LRRC71: variants seen among roughly 807,000 people sequenced by gnomAD.
The protein encoded by LRRC71 is leucine-rich repeat-containing protein 71.
LRRC71 carries 54 observed loss-of-function variants against 66.6 expected under a neutral mutation model. The observed-to-expected ratio is 0.81, with a 90% confidence interval of 0.65 to 1.02. The LOEUF (loss-of-function observed/expected upper bound fraction) is 1.02. Ranked by LOEUF, LRRC71 falls within the 50% of genes least tolerant of loss-of-function variation. The probability of loss-of-function intolerance (pLI) is 0.00; values close to 1 mark genes in which losing one functional copy is unlikely to be tolerated. For synonymous variants in LRRC71, 323 were observed against 303.9 expected (o/e 1.06, Z -0.65); for missense variants, 724 against 718.0 (o/e 1.01, Z -0.10).
the LRRC71 span, chr1:156,940,318 A>C: frequency 6.2e-7 from 1 of 1,613,822 alleles, no homozygotes; most frequent in Non-Finnish European, 8.5e-7. Context: ...AGGGATGTGG[A>C]AGGGCAAGGC....
intron 5 of LRRC71, among the ~76,000 whole-genome samples, chr1:156,925,499 C>T (rs1327134350): frequency 6.6e-6 from 1 of 152,180 alleles, no homozygotes; most frequent in African/African-American, 2.4e-5. Flanking sequence ...GTGCCACCCA[C>T]TTTATGGATG....
At chr1:156,936,105 C>T (rs768971643), downstream of LRRC71, 23 of 1,574,122 alleles carry the variant, frequency 1.5e-5, no homozygotes, top group African/African-American at 5.4e-5. Flanking sequence ...CTGAGGTGAC[C>T]GCTTCCACAT....
At chr1:156,934,262 AGAG>A (rs1350934990), downstream of LRRC71, among the ~76,000 whole-genome samples, 4 of 152,210 alleles carry the variant, frequency 2.6e-5, no homozygotes, top group Non-Finnish European at 5.9e-5. Context: ...TGTGAGAGGT[AGAG>A]GAGTCAGGGT....
the LRRC71 span, chr1:156,940,440 AG>A: frequency 1.9e-6 from 3 of 1,589,250 alleles, no homozygotes; most frequent in Non-Finnish European, 2.6e-6. Context: ...TTCGGATGAG[AG>A]AAGATTGTAA....
chr1:156,928,363 C>CTCTTCCTCTTCTTCTTCTTCT, intron 9 of LRRC71, among the ~76,000 whole-genome samples: 2 of 98,820 alleles, frequency 2.0e-5, no homozygotes, highest in Non-Finnish European at 3.6e-5. Context: ...CTTCTTCTTC[C>CTCTTCCTCTTCTTCTTCTTCT]TCTTCTTCTT....
chr1:156,925,094 AGTG>A, intron 5 of LRRC71, 79 bp downstream of exon 5: 1 of 1,377,326 alleles, frequency 7.3e-7, no homozygotes, highest in Non-Finnish European at 1.0e-6. Context: ...TGGGGATGGA[AGTG>A]GCAGGTCCCA....
chr1:156,937,309 CCT>C (rs1447847672), downstream of LRRC71: 1 of 1,613,814 alleles, frequency 6.2e-7, no homozygotes, highest in Non-Finnish European at 8.5e-7. Flanking sequence ...TGCCCACGTC[CCT>C]GAGGGCCAGG....
chr1:156,930,569 G>C lies in LRRC71; in HGVS notation c.1281G>C (p.Gly427=). 6.4e-7 allele frequency: 1 copy of C among 1,569,992 alleles called. No individual in the cohort carries two copies. The highest frequency in any genetic ancestry group is 8.6e-7 in the Non-Finnish European group (1 of 1,157,334). The change falls in exon 12 of 15, where the codon GGG becomes GGC. Residue 427 remains glycine, a synonymous_variant. Coordinates refer to ENST00000337428, the MANE Select transcript of LRRC71 (RefSeq NM_144702.3). ...IPEQKPSRAK[G]IKIGSREKRS... ...AACAGAAGCCAAGCAGGGCAAAAGGGATCAAGATCGGGAGCAGAGAGAAGC... is the reference window on the plus strand; with the variant it reads ...AACAGAAGCCAAGCAGGGCAAAAGGCATCAAGATCGGGAGCAGAGAGAAGC...
At chr1:156,922,910 G>A (rs1652603431) in intron 1 of LRRC71, among the ~76,000 whole-genome samples, 1 of 152,212 alleles carries the variant, frequency 6.6e-6, no homozygotes, top group Non-Finnish European at 1.5e-5. Flanking sequence ...TCTCCCAGCA[G>A]AGGGAAGTTT....
At chr1:156,928,402 T>TTCTTCTTCC (rs1653648261) in intron 9 of LRRC71, among the ~76,000 whole-genome samples, 1 of 136,798 alleles carries the variant, frequency 7.3e-6, no homozygotes, top group Admixed American at 7.3e-5. Flanking sequence ...CTTCTTCTTC[T>TTCTTCTTCC]TCTTCCTCTT....
chr1:156,922,842 T>C (rs1353378402), intron 1 of LRRC71, among the ~76,000 whole-genome samples: 1 of 152,196 alleles, frequency 6.6e-6, no homozygotes, highest in Admixed American at 6.5e-5. Flanking sequence ...ATGTTAAAAC[T>C]TGAGAATCTC....
At chr1:156,937,471 T>C, downstream of LRRC71, 1 of 1,532,090 alleles carries the variant, frequency 6.5e-7, no homozygotes, top group African/African-American at 1.4e-5. Flanking sequence ...GGGGTCCTGA[T>C]GGCATGCTGA....
At chr1:156,926,165 T>C (rs980765548) in intron 5 of LRRC71, among the ~76,000 whole-genome samples, 1 of 152,248 alleles carries the variant, frequency 6.6e-6, no homozygotes, top group African/African-American at 2.4e-5. Flanking sequence ...GCTCATGTTG[T>C]AGTTATCTCT....
chr1:156,920,799 C>T lies in LRRC71; in HGVS notation c.-5C>T, dbSNP rs762488389. On this transcript the variant is annotated 5_prime_UTR_variant, in exon 1 of 15. Transcript: ENST00000337428. The surrounding 1 kb of genome is among the most constrained non-coding windows in gnomAD (Gnocchi z 4.9). ...GGTCCCAGAGACGCTGCGGACAACA[C>T]CAGCATGTCGAGCGAGCAGAGCGCG... 1.8e-5 allele frequency: 28 copies of T among 1,518,094 alleles called. No individual in the cohort carries two copies. The South Asian group carries it at 3.4e-4, about 18-fold the overall frequency. The allele number at this position is 1,518,094 out of a possible 1,614,324, so 94.0% of individuals were successfully genotyped here.
At chr1:156,936,493 AAAAAATATATAT>A (rs1466740571), downstream of LRRC71, among the ~76,000 whole-genome samples, 2 of 62,420 alleles carry the variant, frequency 3.2e-5, no homozygotes, top group Admixed American at 1.9e-4. Flanking sequence ...AAAAAAAAAA[AAAAAATATATAT>A]ATATATATAT....
At chr1:156,928,479 T>TTCCTCCTCCTCCTCTTCTTCCTCC (rs1653731601) in intron 9 of LRRC71, among the ~76,000 whole-genome samples, 1 of 126,588 alleles carries the variant, frequency 7.9e-6, no homozygotes, top group African/African-American at 3.5e-5. Flanking sequence ...CTTCTTCCTC[T>TTCCTCCTCCTCCTCTTCTTCCTCC]TCCTCCTCCT....
the LRRC71 span, chr1:156,938,961 T>C: frequency 9.3e-4 from 172 of 184,932 alleles, 1 homozygote; most frequent in African/African-American, 4.0e-3. Context: ...GAGCTTGTCT[T>C]GGCTTTTCTT....
chr1:156,929,200 T>C (rs938802152), intron 9 of LRRC71, 80 bp from the exon 10 acceptor site: 4 of 1,496,758 alleles, frequency 2.7e-6, no homozygotes, highest in Non-Finnish European at 3.6e-6. Context: ...TCCCCAAGTA[T>C]GGGTATAGCT....
At chr1:156,926,930 G>A (rs1325096395) in intron 5 of LRRC71, among the ~76,000 whole-genome samples, 1 of 152,196 alleles carries the variant, frequency 6.6e-6, no homozygotes, top group African/African-American at 2.4e-5. Context: ...GAATGACACA[G>A]GGGCATGAGT....
Sources: gnomAD v4.1 joint callset for allele counts (sites outside exome capture counted in the v4.1 genomes callset) on GRCh38, gnomAD v4.1.1 for gene constraint, Gnocchi (gnomAD v3.1) non-coding constraint, MANE v1.5 for transcripts, NCBI Gene and HGNC (gene_info 2026-07-23, HGNC 2026-07-21) for gene names.